Variants in TCF12 observed in about 807,000 individuals in gnomAD.
TCF12 encodes DNA-binding protein HTF4.
A neutral mutation model predicts 86.0 loss-of-function variants in TCF12; 45 were observed. The ratio of observed to expected loss-of-function variants is 0.52; its 90% confidence interval spans 0.41 to 0.67. TCF12 has a LOEUF of 0.67. Among genes scored for constraint, TCF12 ranks in the 30% least tolerant of loss-of-function variants. The pLI, the probability that TCF12 is intolerant of heterozygous loss-of-function variation, is 0.00. For missense variants in TCF12, 881 were observed against 859.9 expected, an observed-to-expected ratio of 1.02 and a Z score of -0.31; for synonymous variants, 330 against 299.6, an observed-to-expected ratio of 1.10 and a Z score of -1.05.
chr15:57,150,974 T>C (rs1205587793), intron 5 of TCF12, among the ~76,000 whole-genome samples: 1 of 145,956 alleles, frequency 6.9e-6, no homozygotes, highest in African/African-American at 2.5e-5. Context: ...TCCTTTCCCC[T>C]TTCCCCTTTT....
intron 3 of TCF12, among the ~76,000 whole-genome samples, chr15:57,023,224 G>T (rs1555481657): frequency 2.6e-5 from 4 of 152,168 alleles, no homozygotes; most frequent in Non-Finnish European, 5.9e-5. Context: ...TAAGTATGGA[G>T]TTTGATTTTA....
intron 5 of TCF12, among the ~76,000 whole-genome samples, chr15:57,093,725 G>C (rs1322406849): frequency 1.3e-5 from 2 of 152,080 alleles, no homozygotes; most frequent in African/African-American, 4.8e-5. Flanking sequence ...TTAGTTTTCA[G>C]ATAATTATTA....
At position 56,921,070 on chromosome 15, in the gene TCF12, A is replaced by G. The variant is rs766456269; in HGVS notation, c.120A>G (p.Thr40=). 1.2e-5 allele frequency: 20 copies of G among 1,609,328 alleles called. No individual in the cohort carries two copies. The highest frequency in any genetic ancestry group is 1.6e-4 in the Middle Eastern group (1 of 6,068). ...PVNSGKTRPT[T]LGSSQFSGSG... ...ATAGTGGGAAAACTAGACCAACTAC[A>G]CTGGGAAGCAGTCAATTCAGTGGAT... Residue 40 remains threonine, a synonymous_variant, in exon 3 of 21, where the codon ACA becomes ACG. Coordinates refer to ENST00000333725, the MANE Select transcript of TCF12 (RefSeq NM_207037.2).
At chr15:57,056,914 G>T (rs1409870926) in intron 3 of TCF12, among the ~76,000 whole-genome samples, 2 of 150,884 alleles carry the variant, frequency 1.3e-5, no homozygotes, top group Non-Finnish European at 2.9e-5. Context: ...TCATCTTGCT[G>T]TTGGCCTCTG....
rs561263640 is a variant in TCF12, at chr15:56,944,898, T to G, written c.148+23800T>G. 5.9e-5 allele frequency among the ~76,000 whole-genome samples: 9 copies of G among 152,302 alleles called. No homozygotes were observed. The South Asian group carries it at 1.9e-3, about 32-fold the overall frequency. On this transcript the variant is annotated intron_variant, in intron 3 of 20. Coordinates refer to ENST00000333725, the MANE Select transcript of TCF12 (RefSeq NM_207037.2). ...ATTTCCATATAAATTGTAATTACCTTGTCGATTTCTATTAAGCCTGCTGGG... is the reference window on the plus strand; with the variant it reads ...ATTTCCATATAAATTGTAATTACCTGGTCGATTTCTATTAAGCCTGCTGGG...
At chr15:57,091,997 CTTGAGT>C (rs2049022238) in intron 5 of TCF12, 106 bp downstream of exon 5, 1 of 884,860 alleles carries the variant, frequency 1.1e-6, no homozygotes, top group African/African-American at 1.7e-5. Flanking sequence ...GAAGAAAGTT[CTTGAGT>C]TTCTAGGGGC....
At chr15:57,247,145 C>T in intron 13 of TCF12, 1 of 559,696 alleles carries the variant, frequency 1.8e-6, no homozygotes, top group Non-Finnish European at 3.4e-6. Flanking sequence ...CTTCACTCCA[C>T]CGTCACTCCA....
At chr15:57,213,559 G>T (rs2058205482) in intron 8 of TCF12, among the ~76,000 whole-genome samples, 2 of 152,104 alleles carry the variant, frequency 1.3e-5, no homozygotes, top group Admixed American at 6.6e-5. Flanking sequence ...ATGGTTCTGG[G>T]CTAAGATGCA....
At chr15:57,066,430 T>C (rs1315185948) in intron 4 of TCF12, among the ~76,000 whole-genome samples, 2 of 152,140 alleles carry the variant, frequency 1.3e-5, no homozygotes, top group African/African-American at 4.8e-5. Flanking sequence ...ACTTAAACAA[T>C]GTAGTTGCAG....
intron 3 of TCF12, among the ~76,000 whole-genome samples, chr15:57,060,083 T>A (rs768760730): frequency 5.3e-5 from 8 of 152,264 alleles, no homozygotes; most frequent in African/African-American, 1.9e-4. Context: ...AAGAGTCTTA[T>A]ACTCTGAAAC....
At chr15:57,157,937 T>C (rs778391844) in intron 5 of TCF12, among the ~76,000 whole-genome samples, 1 of 152,126 alleles carries the variant, frequency 6.6e-6, no homozygotes, top group Non-Finnish European at 1.5e-5. Context: ...TCATTTAGAA[T>C]TTTTTACTAC....
intron 4 of TCF12, among the ~76,000 whole-genome samples, chr15:57,077,378 T>C (rs2070193784): frequency 1.1e-5 from 1 of 94,340 alleles, no homozygotes; most frequent in South Asian, 3.5e-4. Flanking sequence ...TGTGTGTATA[T>C]ATATTTTTTT....
At chr15:57,269,504 T>G (rs1270278066) in intron 18 of TCF12, among the ~76,000 whole-genome samples, 4 of 151,798 alleles carry the variant, frequency 2.6e-5, no homozygotes, top group Non-Finnish European at 5.9e-5. Context: ...TCTTCACTCT[T>G]TATCCAATTT....
At chr15:56,920,750 A>G (rs1193262590) in intron 2 of TCF12, among the ~76,000 whole-genome samples, 13 of 152,176 alleles carry the variant, frequency 8.5e-5, no homozygotes, top group Non-Finnish European at 1.5e-4. Flanking sequence ...TCTGCAGTAA[A>G]GATCATGTGT....
intron 3 of TCF12, among the ~76,000 whole-genome samples, chr15:57,036,163 A>G (rs2066495232): frequency 6.6e-6 from 1 of 151,824 alleles, no homozygotes; most frequent in East Asian, 1.9e-4. Context: ...TGGCTGTTCA[A>G]AGCATTTTGG....
Position 57,273,065 on chromosome 15 carries a change from A to C in TCF12, c.1781A>C (p.Gln594Pro), listed in dbSNP as rs1484972566. Residue 594 changes from glutamine to proline, a missense_variant, in exon 19 of 21, where the codon CAG (glutamine) becomes CCG (proline). Transcript: ENST00000333725. The stretch of plus-strand genomic sequence containing the variant: ...GAAGATGAGGATTTGAACCCTGAAC[A>C]GAAGATAGAAAGGGAGAAGGAGAGG... ...TNEDEDLNPE[Q>P]KIEREKERRM... 1 of 1,614,260 alleles carries C rather than the reference A, an allele frequency of 6.2e-7. No individual in the cohort carries two copies. Among genetic ancestry groups the C allele is most frequent in the Admixed American group, 1.7e-5 (1 of 60,028 alleles).
intron 8 of TCF12, among the ~76,000 whole-genome samples, chr15:57,202,956 G>A (rs2593223): frequency 0.21 from 31,409 of 151,994 alleles, 3,476 homozygotes; most frequent in Non-Finnish European, 0.24. Context: ...AAGAAGTTTA[G>A]CATTTCATTT....
Position 57,273,119 on chromosome 15 carries a change from T to TA in TCF12, c.1836dup (p.Arg613ThrfsTer6), listed in dbSNP as rs1359357677. 1 of 1,614,214 alleles carries TA rather than the reference T, an allele frequency of 6.2e-7. No homozygotes were observed. Among genetic ancestry groups the TA allele is most frequent in the East Asian group, 2.2e-5 (1 of 44,884 alleles). On this transcript the variant is annotated frameshift_variant, in exon 19 of 21. Coordinates refer to ENST00000333725, the MANE Select transcript of TCF12 (RefSeq NM_207037.2). LOFTEE classifies it high-confidence loss of function. ...ATGGCTAACAATGCCAGAGAACGCT[T>TA]ACGCGTGCGGGATATTAATGAAGCA...
At chr15:57,228,727 A>T (rs866513284) in intron 8 of TCF12, among the ~76,000 whole-genome samples, 16 of 150,896 alleles carry the variant, frequency 1.1e-4, no homozygotes, top group Middle Eastern at 6.8e-3. Flanking sequence ...AATTGTAACC[A>T]TTTTCAAAAT....
Sources: gnomAD v4.1 joint callset for allele counts (sites outside exome capture counted in the v4.1 genomes callset) on GRCh38, gnomAD v4.1.1 for gene constraint, MANE v1.5 for transcripts, NCBI Gene and HGNC (gene_info 2026-07-23, HGNC 2026-07-21) for gene names.